TTC39A: variants seen among roughly 807,000 people sequenced by gnomAD.
TTC39A encodes tetratricopeptide repeat protein 39A.
TTC39A carries 46 observed loss-of-function variants against 82.3 expected under a neutral mutation model. That is an observed-to-expected ratio of 0.56 (90% CI 0.44 to 0.71). The LOEUF is 0.71. Among genes scored for constraint, TTC39A ranks in the 30% least tolerant of loss-of-function variants. TTC39A has a pLI of 0.00. For synonymous variants in TTC39A, 254 were observed against 275.2 expected (o/e 0.92, Z 0.76); for missense variants, 543 against 712.9 (o/e 0.76, Z 2.71).
chr1:51,314,544 A>G (rs1235455239), intron 2 of TTC39A, among the ~76,000 whole-genome samples: 1 of 152,192 alleles, frequency 6.6e-6, no homozygotes, highest in Non-Finnish European at 1.5e-5. Context: ...AAGTTAAGTT[A>G]CTTCTGGGTG....
intron 14 of TTC39A, among the ~76,000 whole-genome samples, chr1:51,293,654 C>G (rs1216730718): frequency 6.6e-6 from 1 of 152,188 alleles, no homozygotes; most frequent in Non-Finnish European, 1.5e-5. Flanking sequence ...TTCTGGCTCC[C>G]TTACTACTTG....
intron 6 of TTC39A, among the ~76,000 whole-genome samples, chr1:51,306,436 T>C (rs1376791406): frequency 1.3e-5 from 2 of 152,186 alleles, no homozygotes; most frequent in African/African-American, 2.4e-5. Flanking sequence ...CTGTGCATTG[T>C]AGGATGTTTA....
chr1:51,290,733 T>C, intron 14 of TTC39A, 108 bp from the exon 15 acceptor site: 2 of 821,684 alleles, frequency 2.4e-6, no homozygotes, highest in East Asian at 5.4e-5. Flanking sequence ...AAGGACCTTC[T>C]AGCTCTAATC....
chr1:51,342,465 G>A (rs1646048541), intron 1 of TTC39A, among the ~76,000 whole-genome samples: 2 of 152,170 alleles, frequency 1.3e-5, no homozygotes, highest in African/African-American at 4.8e-5. Flanking sequence ...GGCTCACACA[G>A]ATCAAACAAT....
At chr1:51,335,600 T>C (rs943602212), upstream of TTC39A, among the ~76,000 whole-genome samples, 5 of 149,112 alleles carry the variant, frequency 3.4e-5, no homozygotes, top group African/African-American at 4.9e-5. Context: ...AATAAATACC[T>C]ATTAAGTGAG....
rs778368227 is a variant in TTC39A, at chr1:51,303,156, C to CT, written c.690dup (p.Gly231ArgfsTer47). On this transcript the variant is annotated frameshift_variant, in exon 9 of 18. Transcript: ENST00000680483. LOFTEE classifies it high-confidence loss of function. Reference sequence around the variant, plus strand: ...CAGAGCACAGAGCGGAAGCTGTGCCCTGACGCTCCCTCCTCCAGCTGCAGC... The same window carrying CT: ...CAGAGCACAGAGCGGAAGCTGTGCCCTTGACGCTCCCTCCTCCAGCTGCAGC... 4 of 1,546,508 alleles carry CT rather than the reference C, an allele frequency of 2.6e-6. No homozygotes were observed. The highest frequency in any genetic ancestry group is 3.5e-6 in the Non-Finnish European group (4 of 1,143,498).
chr1:51,295,845 C>A (rs1056518476), intron 13 of TTC39A: 3 of 590,708 alleles, frequency 5.1e-6, no homozygotes, highest in Non-Finnish European at 9.1e-6. Context: ...AAAACCATTT[C>A]TGTGAAAGAA....
At chr1:51,290,885 G>C (rs1309600094) in intron 14 of TTC39A, among the ~76,000 whole-genome samples, 1 of 152,162 alleles carries the variant, frequency 6.6e-6, no homozygotes, top group East Asian at 1.9e-4. Context: ...GCTGCTCATA[G>C]CTGCCCAAGT....
At position 51,294,646 on chromosome 1, in the gene TTC39A, C is replaced by T; in HGVS notation, c.1146-135G>A. On this transcript the variant is annotated intron_variant, in intron 13 of 17. Coordinates refer to ENST00000680483, the MANE Select transcript of TTC39A (RefSeq NM_001297663.2). This position sits in a 1 kb window ranked among gnomAD's most constrained non-coding sequence, Gnocchi z 4.3. ...ATCTGCACAATGACAGTGTTAGACT[C>T]TAAAGAGCCTTCTAGGTCTGAAATA... 7.5e-7 allele frequency: 1 copy of T among 1,334,540 alleles called. No homozygotes were observed. 82.7% of individuals were successfully genotyped at this position (1,334,540 alleles called of 1,614,324 possible). A position where few individuals can be genotyped will look rare whatever the true frequency, so the allele number is the denominator to read the frequency against.
At chr1:51,332,060 T>C (rs1645918827), upstream of TTC39A, among the ~76,000 whole-genome samples, 1 of 152,216 alleles carries the variant, frequency 6.6e-6, no homozygotes, top group Non-Finnish European at 1.5e-5. Flanking sequence ...CATTTAAACA[T>C]GCTGTTCCCT....
At chr1:51,322,113 C>G in intron 1 of TTC39A, 8 of 1,552,684 alleles carry the variant, frequency 5.2e-6, no homozygotes, top group Non-Finnish European at 7.0e-6. Flanking sequence ...AATCAATGAT[C>G]TTACCCTCCA....
At chr1:51,327,247 A>G (rs1162717065) in intron 1 of TTC39A, among the ~76,000 whole-genome samples, 1 of 152,248 alleles carries the variant, frequency 6.6e-6, no homozygotes, top group East Asian at 1.9e-4. Flanking sequence ...GCGGTCGCTC[A>G]GGAAGCCAAC....
Position 51,294,949 on chromosome 1 carries a change from C to G in TTC39A, c.1146-438G>C, listed in dbSNP as rs531520082. Among the ~76,000 whole-genome samples the G allele has an allele frequency of 1.3e-5, 2 of 152,324 alleles. No individual in the cohort carries two copies. The highest frequency in any genetic ancestry group is 1.3e-4 in the Admixed American group (2 of 15,300). ...AAACCCTTAATTAACTCTTGCCTCGCGAGTTCTGGCCTTCTCAGCTGTTTC... is the reference window on the plus strand; with the variant it reads ...AAACCCTTAATTAACTCTTGCCTCGGGAGTTCTGGCCTTCTCAGCTGTTTC... On this transcript the variant is annotated intron_variant, in intron 13 of 17. Coordinates refer to ENST00000680483, the MANE Select transcript of TTC39A (RefSeq NM_001297663.2). The surrounding 1 kb of genome is among the most constrained non-coding windows in gnomAD (Gnocchi z 4.3).
intron 12 of TTC39A, chr1:51,297,254 A>C (rs1220858084): frequency 6.8e-6 from 1 of 147,810 alleles, no homozygotes; most frequent in Admixed American, 6.8e-5. Context: ...TCTGTCGCCC[A>C]GGCTAAGGCT....
At chr1:51,326,457 C>T (rs997004195) in intron 1 of TTC39A, among the ~76,000 whole-genome samples, 1 of 152,132 alleles carries the variant, frequency 6.6e-6, no homozygotes, top group African/African-American at 2.4e-5. Flanking sequence ...GGTGAGGCTG[C>T]GGTGGCTAGA....
intron 12 of TTC39A, 104 bp from the exon 13 acceptor site, chr1:51,296,274 G>A (rs1644421748): frequency 2.8e-6 from 3 of 1,085,896 alleles, no homozygotes; most frequent in Non-Finnish European, 4.1e-6. Flanking sequence ...AGGAGCTCCC[G>A]TTGTCTCCAA....
At position 51,321,345 on chromosome 1, in the gene TTC39A, CAGCCCTCTTGAT is replaced by C. The variant is rs1645510213; in HGVS notation, c.146+364_146+375del. 6.6e-6 allele frequency among the ~76,000 whole-genome samples: 1 copy of C among 152,176 alleles called. No individual in the cohort carries two copies. ...GTACTCAAGGAAATGGTCAAGTGAG[CAGCCCTCTTGAT>C]TGCCCTAAAACACCCAGGAAAGCAG... On this transcript the variant is annotated intron_variant, in intron 2 of 17. Transcript: ENST00000680483. This position sits in a 1 kb window ranked among gnomAD's most constrained non-coding sequence, Gnocchi z 4.6.
upstream of TTC39A, chr1:51,331,021 G>T: frequency 4.0e-6 from 3 of 743,140 alleles, no homozygotes; most frequent in Non-Finnish European, 7.1e-6. Flanking sequence ...ACCAGAAGGC[G>T]GGGAAAACAC....
rs944714132 is a variant in TTC39A, at chr1:51,321,802, T to C, written c.65A>G (p.Glu22Gly). The C allele has an allele frequency of 6.2e-7, 1 of 1,613,692 alleles. No homozygotes were observed. Among genetic ancestry groups the C allele is most frequent in the African/African-American group, 1.3e-5 (1 of 74,912 alleles). Residue 22 changes from glutamate (E) to glycine (G), a missense_variant, in exon 2 of 18, where the codon GAG (glutamate) becomes GGG (glycine). Physicochemically the swap from Glu to Gly is moderately conservative, Grantham distance 98 (BLOSUM62 -2). Transcript: ENST00000680483. The surrounding 1 kb of genome is among the most constrained non-coding windows in gnomAD (Gnocchi z 4.6). ...GGCGGTCATGCACTGGTCCAGGGCC[T>C]CATGGAGGCTGCTCTCAGGAGTCCT... Reference protein sequence around the residue: ...PAGTPESSLHEALDQCMTALD... With the variant: ...PAGTPESSLHGALDQCMTALD...
Sources: gnomAD v4.1 joint callset for allele counts (sites outside exome capture counted in the v4.1 genomes callset) on GRCh38, gnomAD v4.1.1 for gene constraint, Gnocchi (gnomAD v3.1) non-coding constraint, MANE v1.5 for transcripts, NCBI Gene and HGNC (gene_info 2026-07-23, HGNC 2026-07-21) for gene names.